NUCB2: variants seen among roughly 807,000 people sequenced by gnomAD.
The protein encoded by NUCB2 is nucleobindin-2.
In NUCB2, 48 loss-of-function variants were observed where a neutral mutation model predicts 57.9. The observed-to-expected ratio is 0.83, with a 90% CI of 0.66 to 1.05. The LOEUF is 1.05. Ranked by LOEUF, NUCB2 falls within the 50% of genes least tolerant of loss-of-function variation. The probability of loss-of-function intolerance (pLI) is 0.00; values close to 1 mark genes in which losing one functional copy is unlikely to be tolerated. For missense variants in NUCB2, 442 were observed against 476.2 expected, an observed-to-expected ratio of 0.93 and a Z score of 0.67; for synonymous variants, 139 against 152.1, an observed-to-expected ratio of 0.91 and a Z score of 0.64.
At chr11:17,292,923 A>G (rs1945174459) in intron 2 of NUCB2, among the ~76,000 whole-genome samples, 1 of 152,224 alleles carries the variant, frequency 6.6e-6, no homozygotes, top group Non-Finnish European at 1.5e-5. Context: ...GTTTTAAAGC[A>G]GTTTCTCAGA....
intron 5 of NUCB2, among the ~76,000 whole-genome samples, chr11:17,304,887 AAC>A (rs1565415117): frequency 6.6e-6 from 1 of 152,252 alleles, no homozygotes; most frequent in African/African-American, 2.4e-5. Context: ...AAGACACAAT[AAC>A]TTTTTGATAC....
At chr11:17,347,315 CT>C (rs1159967955) in intron 2 of NUCB2, among the ~76,000 whole-genome samples, 3 of 152,162 alleles carry the variant, frequency 2.0e-5, no homozygotes, top group Non-Finnish European at 4.4e-5. Flanking sequence ...AGAGGAGTGA[CT>C]GAATAGAAAC....
Position 17,311,918 on chromosome 11 carries a change from A to G in NUCB2, c.807A>G (p.Leu269=), listed in dbSNP as rs866907622. 4 of 1,595,730 alleles carry G rather than the reference A, an allele frequency of 2.5e-6. No individual in the cohort carries two copies. The highest frequency in any genetic ancestry group is 3.4e-6 in the Non-Finnish European group (4 of 1,167,674). The change falls in exon 9 of 14, where the codon CTA becomes CTG. Residue 269 remains leucine, a synonymous_variant. Transcript: ENST00000529010. ...GFLDEQELEA[L]FTKELEKVYD... ...TGGATGAACAAGAATTAGAAGCCCT[A>G]TTTACTAAAGAGGTAAAGGAGTTTA...
At chr11:17,318,629 G>A (rs1949613467) in intron 11 of NUCB2, among the ~76,000 whole-genome samples, 1 of 152,130 alleles carries the variant, frequency 6.6e-6, no homozygotes, top group African/African-American at 2.4e-5. Context: ...AAGTAAGGAA[G>A]TCCCTAAAGA....
At chr11:17,313,773 C>G (rs1056147746) in intron 10 of NUCB2, among the ~76,000 whole-genome samples, 3 of 152,122 alleles carry the variant, frequency 2.0e-5, no homozygotes, top group African/African-American at 7.2e-5. Context: ...ATACCTCACT[C>G]TCTCTTCTTT....
chr11:17,349,747 C>T (rs1218158849), exon 3 of NUCB2: 1 of 152,216 alleles, frequency 6.6e-6, no homozygotes, highest in Non-Finnish European at 1.5e-5. Flanking sequence ...CTCTGCCATA[C>T]TGTCCCTGGA....
chr11:17,288,602 G>A (rs1944241871), intron 2 of NUCB2, among the ~76,000 whole-genome samples: 1 of 132,122 alleles, frequency 7.6e-6, no homozygotes, highest in South Asian at 2.5e-4. Flanking sequence ...AGACTGGAGT[G>A]CAGTGGCACA....
Position 17,315,976 on chromosome 11 carries a change from G to GT in NUCB2, c.1002+508dup, listed in dbSNP as rs746920112. 7.9e-5 allele frequency among the ~76,000 whole-genome samples: 12 copies of GT among 151,692 alleles called. No individual in the cohort carries two copies. In the South Asian group the frequency reaches 1.5e-3, roughly 18 times the overall value. Reference sequence around the variant, plus strand: ...TTTTGTTGTTGTTTGTTTGTTTTTTGTTTTTTTGTTTTTTGAGACAGAGTC... The same window carrying GT: ...TTTTGTTGTTGTTTGTTTGTTTTTTGTTTTTTTTGTTTTTTGAGACAGAGTC... On this transcript the variant is annotated intron_variant, in intron 11 of 13. Coordinates refer to ENST00000529010, the MANE Select transcript of NUCB2 (RefSeq NM_005013.4).
At chr11:17,289,943 A>G (rs1944639866) in intron 2 of NUCB2, among the ~76,000 whole-genome samples, 2 of 152,106 alleles carry the variant, frequency 1.3e-5, no homozygotes, top group South Asian at 2.1e-4. Context: ...TGACATTTGC[A>G]TGAGTCCATC....
chr11:17,286,237 A>G (rs576490662), intron 2 of NUCB2, among the ~76,000 whole-genome samples: 7 of 152,166 alleles, frequency 4.6e-5, no homozygotes, highest in African/African-American at 1.7e-4. Context: ...AGGTTTCACC[A>G]TATTGCTCAG....
chr11:17,315,583 T>C lies in NUCB2; in HGVS notation c.1002+108T>C, dbSNP rs568293483. 7.4e-5 allele frequency: 38 copies of C among 510,660 alleles called. No individual in the cohort carries two copies. The South Asian group carries it at 1.7e-3, about 23-fold the overall frequency. The allele number at this position is 510,660 out of a possible 1,614,324, so 31.6% of individuals were successfully genotyped here. ...TATGTTTGCATGTATAGTCTTACTA[T>C]CTTGGGATTTTTATATAAATGTCAG... On this transcript the variant is annotated intron_variant, in intron 11 of 13. Coordinates refer to ENST00000529010, the MANE Select transcript of NUCB2 (RefSeq NM_005013.4).
At position 17,331,398 on chromosome 11, in the gene NUCB2, CT is replaced by C. The variant is rs779366681; in HGVS notation, c.1256-8del. The C allele has an allele frequency of 2.1e-6, 3 of 1,429,798 alleles. No individual in the cohort carries two copies. Among genetic ancestry groups the C allele is most frequent in the South Asian group, 1.6e-5 (1 of 60,844 alleles). The allele number at this position is 1,429,798 out of a possible 1,614,324, so 88.6% of individuals were successfully genotyped here. ...ATACTTTTAAAATAAGAACTTTTTT[CT>C]TTTTTCCAACAGACATTTAAAGTCT... On this transcript the variant is annotated splice_polypyrimidine_tract_variant and intron_variant, in intron 13 of 13. Coordinates refer to ENST00000529010, the MANE Select transcript of NUCB2 (RefSeq NM_005013.4).
rs1311883533 is a variant in NUCB2 at position 17,331,623 on chromosome 11, T to C, written c.*204T>C. Reference sequence around the variant, plus strand: ...TATCAGAACCAGGAAGAAAACAAACTCACTGTCTGCTCTCTGCTCTCACAT... The same window carrying C: ...TATCAGAACCAGGAAGAAAACAAACCCACTGTCTGCTCTCTGCTCTCACAT... On this transcript the variant is annotated 3_prime_UTR_variant, in exon 14 of 14. Transcript: ENST00000529010. 3 of 395,932 alleles carry C rather than the reference T, an allele frequency of 7.6e-6. No individual in the cohort carries two copies. The highest frequency in any genetic ancestry group is 9.1e-6 in the Non-Finnish European group (2 of 219,368). 24.5% of individuals were successfully genotyped at this position (395,932 alleles called of 1,614,324 possible). A position where few individuals can be genotyped will look rare whatever the true frequency, so the allele number is the denominator to read the frequency against.
rs774802220 is a variant in NUCB2 at position 17,311,917 on chromosome 11, T to C, written c.806T>C (p.Leu269Pro). The C allele has an allele frequency of 9.4e-6, 15 of 1,596,540 alleles. No homozygotes were observed. In the African/African-American group the frequency reaches 1.2e-4, roughly 13 times the overall value. The change falls in exon 9 of 14, where the codon CTA becomes CCA. Residue 269 changes from leucine to proline, a missense_variant. Coordinates refer to ENST00000529010, the MANE Select transcript of NUCB2 (RefSeq NM_005013.4). ...CTGGATGAACAAGAATTAGAAGCCC[T>C]ATTTACTAAAGAGGTAAAGGAGTTT... ...GFLDEQELEA[L>P]FTKELEKVYD...
At chr11:17,305,223 C>T (rs1947428293) in intron 5 of NUCB2, among the ~76,000 whole-genome samples, 1 of 152,144 alleles carries the variant, frequency 6.6e-6, no homozygotes, top group African/African-American at 2.4e-5. Flanking sequence ...ACACAGGAGG[C>T]TGAGGCAGGA....
intron 4 of NUCB2, among the ~76,000 whole-genome samples, chr11:17,297,971 A>G (rs189464305): frequency 0.049 from 7,370 of 151,370 alleles, 311 homozygotes; most frequent in Admixed American, 0.15. Flanking sequence ...AATCCCAGCC[A>G]CTCGGGAGGC....
At chr11:17,311,811 A>G in intron 8 of NUCB2, 61 bp from the exon 9 acceptor site, 1 of 1,117,050 alleles carries the variant, frequency 9.0e-7, no homozygotes, top group Non-Finnish European at 1.3e-6. Context: ...AAATCATTGT[A>G]TTTTAATTAT....
intron 1 of NUCB2, chr11:17,278,542 A>G (rs529060358): frequency 3.3e-5 from 5 of 152,190 alleles, no homozygotes; most frequent in African/African-American, 7.2e-5. Flanking sequence ...CCCAAGGTAC[A>G]TATTGTTCAT....
At chr11:17,306,224 G>A (rs1485575408) in intron 5 of NUCB2, among the ~76,000 whole-genome samples, 1 of 152,086 alleles carries the variant, frequency 6.6e-6, no homozygotes, top group African/African-American at 2.4e-5. Context: ...TGGGTGGTTT[G>A]TTGTCATTAA....
Sources: allele counts gnomAD v4.1 joint callset (sites outside exome capture counted in the v4.1 genomes callset), GRCh38; gene constraint gnomAD v4.1.1; transcripts MANE v1.5; gene names NCBI Gene and HGNC (gene_info 2026-07-23, HGNC 2026-07-21).